Variants in BCR observed in about 807,000 individuals in gnomAD.
BCR encodes breakpoint cluster region protein.
In BCR, 58 loss-of-function variants were observed where a neutral mutation model predicts 138.6. The ratio of observed to expected loss-of-function variants is 0.42; its 90% CI spans 0.34 to 0.52. The LOEUF is 0.52. Ranked by LOEUF, BCR falls within the 20% of genes least tolerant of loss-of-function variation. BCR has a pLI of 0.06. For synonymous variants in BCR, 786 were observed against 730.1 expected, an observed-to-expected ratio of 1.08 and a Z score of -1.23; for missense variants, 1,599 against 1,727.2, an observed-to-expected ratio of 0.93 and a Z score of 1.32.
At chr22:23,310,688 T>G (rs937787422) in intron 18 of BCR, among the ~76,000 whole-genome samples, 2 of 152,228 alleles carry the variant, frequency 1.3e-5, no homozygotes, top group African/African-American at 4.8e-5. Flanking sequence ...CTGCCCTTGC[T>G]TGGAATTTAT....
rs370953554 is a variant in BCR at position 23,194,319 on chromosome 22, G to C, written c.1279+12080G>C. Among the ~76,000 whole-genome samples, 10 of 152,124 alleles carry C rather than the reference G, an allele frequency of 6.6e-5. No individual in the cohort carries two copies. In the East Asian group the frequency reaches 1.9e-3, roughly 29 times the overall value. On this transcript the variant is annotated intron_variant, in intron 1 of 22. Coordinates refer to ENST00000305877, the MANE Select transcript of BCR (RefSeq NM_004327.4). Reference sequence around the variant, plus strand: ...TTCAGATGGTCTTGATGTGAAAACTGTTGCCAGGCTGGGCGTGGTGGCTCA... The same window carrying C: ...TTCAGATGGTCTTGATGTGAAAACTCTTGCCAGGCTGGGCGTGGTGGCTCA...
intron 1 of BCR, among the ~76,000 whole-genome samples, chr22:23,240,750 C>CA (rs2073080881): frequency 6.6e-6 from 1 of 152,134 alleles, no homozygotes; most frequent in African/African-American, 2.4e-5. Flanking sequence ...AGTACATCCA[C>CA]ATTATCATAC....
At chr22:23,239,052 G>A (rs1273096387) in intron 1 of BCR, among the ~76,000 whole-genome samples, 5 of 152,124 alleles carry the variant, frequency 3.3e-5, no homozygotes, top group Admixed American at 2.6e-4. Context: ...TGTCTCCAGC[G>A]TTGGGCTCTT....
chr22:23,295,181 C>T, intron 16 of BCR, 26 bp downstream of exon 16: 1 of 1,589,888 alleles, frequency 6.3e-7, no homozygotes, highest in Non-Finnish European at 8.6e-7. Context: ...CTACCCTCCC[C>T]TGCCCGATGC....
At chr22:23,272,074 T>C (rs1035235765) in intron 6 of BCR, among the ~76,000 whole-genome samples, 1 of 152,164 alleles carries the variant, frequency 6.6e-6, no homozygotes, top group Non-Finnish European at 1.5e-5. Context: ...TGCCTTGGCC[T>C]CCCAAAGTGC....
chr22:23,249,894 A>G lies in BCR; in HGVS notation c.1280-3905A>G, dbSNP rs548558364. 7.2e-5 allele frequency among the ~76,000 whole-genome samples: 11 copies of G among 152,296 alleles called. No individual in the cohort carries two copies. The South Asian group carries it at 2.3e-3, about 32-fold the overall frequency. ...AGACTTAAAAGCATCAGTCACCCAG[A>G]CATTGATTTGAGATCTCTGCAGAGG... On this transcript the variant is annotated intron_variant, in intron 1 of 22. Transcript: ENST00000305877.
chr22:23,303,756 C>G (rs1383880275), intron 16 of BCR, among the ~76,000 whole-genome samples: 1 of 152,204 alleles, frequency 6.6e-6, no homozygotes, highest in African/African-American at 2.4e-5. Flanking sequence ...GATAGTGATA[C>G]AGGTCCTCCT....
rs75707920 is a variant in BCR at position 23,190,485 on chromosome 22, A to G, written c.1279+8246A>G. 4.8e-3 allele frequency among the ~76,000 whole-genome samples: 731 copies of G among 152,272 alleles called. 7 individuals carry two copies. Among genetic ancestry groups the G allele is most frequent in the African/African-American group, 0.017 (691 of 41,540 alleles). On this transcript the variant is annotated intron_variant, in intron 1 of 22. Coordinates refer to ENST00000305877, the MANE Select transcript of BCR (RefSeq NM_004327.4). ...ACCCGGCCCAAATTTCCCTTCTTAA[A>G]AGGACACCAGTAAGACTGGATTAAG...
rs763359824 is a variant in BCR, at chr22:23,182,159, C to G, written c.1199C>G (p.Ser400Cys). The G allele has an allele frequency of 1.2e-6, 2 of 1,607,878 alleles. No individual in the cohort carries two copies. Among genetic ancestry groups the G allele is most frequent in the Non-Finnish European group, 1.7e-6 (2 of 1,179,560 alleles). Residue 400 changes from serine to cysteine, a missense_variant, in exon 1 of 23, where the codon TCC (serine) becomes TGC (cysteine). Ser to Cys is a moderately radical substitution (Grantham distance 112, BLOSUM62 -1). Around this residue, in one of 4 missense-constraint regions of BCR, gnomAD observed 806 missense variants for 635.0 expected, o/e 1.27. Coordinates refer to ENST00000305877, the MANE Select transcript of BCR (RefSeq NM_004327.4). ...KRHRHCPVVV[S>C]EATIVGVRKT... ...CACCGGCACTGCCCGGTTGTCGTGT[C>G]CGAGGCCACCATCGTGGGCGTCCGC...
At chr22:23,217,236 T>TA (rs1336325049) in intron 1 of BCR, among the ~76,000 whole-genome samples, 2 of 152,204 alleles carry the variant, frequency 1.3e-5, no homozygotes, top group Admixed American at 6.5e-5. Context: ...AGGTTCAAAG[T>TA]AAAAAATCCT....
At position 23,315,572 on chromosome 22, in the gene BCR, G is replaced by A; in HGVS notation, c.*50G>A. On this transcript the variant is annotated 3_prime_UTR_variant, in exon 23 of 23. Transcript: ENST00000305877. The stretch of plus-strand genomic sequence containing the variant: ...CGGACAGATGGCCTGGAAACCTCTG[G>A]CTAATCGGGCCATCCGTAGAGCGGG... 6.4e-7 allele frequency: 1 copy of A among 1,555,548 alleles called. No homozygotes were observed. Among genetic ancestry groups the A allele is most frequent in the Non-Finnish European group, 8.9e-7 (1 of 1,129,796 alleles).
intron 16 of BCR, among the ~76,000 whole-genome samples, chr22:23,298,032 AGTG>A: frequency 6.6e-6 from 1 of 152,236 alleles, no homozygotes; most frequent in East Asian, 1.9e-4. Flanking sequence ...CAGCAGTTAA[AGTG>A]GTAAAAGCAG....
intron 13 of BCR, chr22:23,289,839 G>A: frequency 1.7e-6 from 1 of 581,546 alleles, no homozygotes; most frequent in Non-Finnish European, 3.1e-6. Context: ...GGGTGGTTGA[G>A]GAGATGCACG....
chr22:23,292,373 G>T (rs1020457452), intron 14 of BCR, among the ~76,000 whole-genome samples, 168 bp from the exon 15 acceptor site: 1 of 152,192 alleles, frequency 6.6e-6, no homozygotes, highest in African/African-American at 2.4e-5. Flanking sequence ...TGAGGTGCTG[G>T]TGTTCACGCC....
intron 19 of BCR, among the ~76,000 whole-genome samples, chr22:23,312,099 G>T (rs1435725341): frequency 1.3e-5 from 2 of 152,190 alleles, no homozygotes; most frequent in Non-Finnish European, 2.9e-5. Context: ...TCCTGCCTTG[G>T]GGTTGGACAG....
At position 23,181,159 on chromosome 22, in the gene BCR, A is replaced by G. The variant is rs1198562916; in HGVS notation, c.199A>G (p.Lys67Glu). 2 of 1,442,436 alleles carry G rather than the reference A, an allele frequency of 1.4e-6. No homozygotes were observed. Among genetic ancestry groups the G allele is most frequent in the Non-Finnish European group, 1.8e-6 (2 of 1,082,522 alleles). 89.4% of individuals were successfully genotyped at this position (1,442,436 alleles called of 1,614,324 possible). A position where few individuals can be genotyped will look rare whatever the true frequency, so the allele number is the denominator to read the frequency against. Residue 67 changes from lysine (K) to glutamate (E), a missense_variant, in exon 1 of 23, where the codon AAG becomes GAG. Around this residue, in one of 4 missense-constraint regions of BCR, gnomAD observed 806 missense variants for 635.0 expected, o/e 1.27. Transcript: ENST00000305877. ...IYLQTLLAKE[K>E]KSYDRQRWGF... is the part of the protein sequence containing the mutation. ...CCTGCAGACGTTGCTGGCCAAGGAA[A>G]AGAAGAGCTATGACCGGCAGCGATG...
chr22:23,219,004 T>C (rs2146228873), intron 1 of BCR, among the ~76,000 whole-genome samples: 1 of 84,616 alleles, frequency 1.2e-5, no homozygotes, highest in African/African-American at 5.0e-5. Flanking sequence ...TCCCTCGTTA[T>C]GGAGCTGAGA....
intron 1 of BCR, among the ~76,000 whole-genome samples, chr22:23,186,647 G>A (rs919723589): frequency 2.7e-4 from 41 of 152,036 alleles, no homozygotes; most frequent in Non-Finnish European, 1.3e-4. Context: ...TGTGGCATTC[G>A]TCTTTTTGTG....
At chr22:23,296,713 G>A (rs971113887) in intron 16 of BCR, among the ~76,000 whole-genome samples, 5 of 152,208 alleles carry the variant, frequency 3.3e-5, no homozygotes, top group African/African-American at 7.2e-5. Flanking sequence ...ACGCTGAAGC[G>A]AGAGGATTGC....
Sources: allele counts gnomAD v4.1 joint callset (sites outside exome capture counted in the v4.1 genomes callset), GRCh38; gene constraint gnomAD v4.1.1; regional missense constraint gnomAD v4.1.1; transcripts MANE v1.5; gene names NCBI Gene and HGNC (gene_info 2026-07-23, HGNC 2026-07-21).